The following KCNH1 variants were observed in gnomAD, a reference collection of about 807,000 sequenced individuals.
KCNH1 encodes the protein voltage-gated delayed rectifier potassium channel KCNH1.
In KCNH1, 27 loss-of-function variants were observed where a neutral mutation model predicts 69.2. The observed-to-expected ratio is 0.39, with a 90% confidence interval of 0.29 to 0.54. The LOEUF (loss-of-function observed/expected upper bound fraction) is 0.54. KCNH1 is among the 20% of genes least tolerant of loss of function. The pLI, the probability that KCNH1 is intolerant of heterozygous loss-of-function variation, is 0.68. For synonymous variants in KCNH1, 456 were observed against 487.7 expected (o/e 0.93, Z 0.86); for missense variants, 798 against 1,261.6 (o/e 0.63, Z 5.57).
intron 6 of KCNH1, among the ~76,000 whole-genome samples, chr1:210,976,328 T>G (rs1384627115): frequency 1.4e-5 from 2 of 147,800 alleles, no homozygotes; most frequent in African/African-American, 2.5e-5. Flanking sequence ...CTATTCACAA[T>G]AGCAAAGACT....
chr1:210,764,967 CA>C (rs1478312942), intron 10 of KCNH1, among the ~76,000 whole-genome samples: 1 of 152,176 alleles, frequency 6.6e-6, no homozygotes, highest in African/African-American at 2.4e-5. Flanking sequence ...CCCAGGTGCC[CA>C]TCAACAGTAG....
chr1:211,060,622 A>C (rs1301560686), intron 5 of KCNH1, among the ~76,000 whole-genome samples: 1 of 151,960 alleles, frequency 6.6e-6, no homozygotes, highest in African/African-American at 2.4e-5. Flanking sequence ...CAGATGTAAA[A>C]GGAGACATTA....
intron 5 of KCNH1, among the ~76,000 whole-genome samples, chr1:211,039,019 C>A (rs1571599177): frequency 6.6e-6 from 1 of 152,238 alleles, no homozygotes; most frequent in East Asian, 1.9e-4. Context: ...GTCTTCATGG[C>A]AGCCCCTCCC....
intron 6 of KCNH1, among the ~76,000 whole-genome samples, chr1:210,999,655 C>T (rs867801367): frequency 6.6e-6 from 1 of 152,216 alleles, no homozygotes; most frequent in Non-Finnish European, 1.5e-5. Context: ...TCCTCCCTAA[C>T]TCATTTTATG....
At chr1:210,694,094 GGC>G (rs1452679083) in intron 10 of KCNH1, among the ~76,000 whole-genome samples, 3 of 152,138 alleles carry the variant, frequency 2.0e-5, no homozygotes, top group Non-Finnish European at 2.9e-5. Context: ...TGAAGCATGT[GGC>G]CTCACTGGGC....
chr1:210,748,458 G>A (rs1683212003), intron 10 of KCNH1, among the ~76,000 whole-genome samples: 3 of 152,170 alleles, frequency 2.0e-5, no homozygotes, highest in African/African-American at 7.2e-5. Flanking sequence ...ATTTATTTTA[G>A]AGATAATACA....
Position 210,679,166 on chromosome 1 carries a change from G to C in KCNH1, c.*4115C>G, listed in dbSNP as rs11119568. ...AGTCTCCCCCAGGTGGAGGGCACAG[G>C]AGCTGGTGAAGGTAATTTTTAATTG... On this transcript the variant is annotated 3_prime_UTR_variant, in exon 11 of 11. Transcript: ENST00000271751. The C allele has an allele frequency of 0.091, 13,804 of 152,300 alleles. 702 individuals are homozygous for C. The highest frequency in any genetic ancestry group is 0.19 in the East Asian group (983 of 5,178). 9.4% of individuals were successfully genotyped at this position (152,300 alleles called of 1,614,324 possible).
At chr1:211,114,488 T>C (rs1691532235) in intron 1 of KCNH1, among the ~76,000 whole-genome samples, 1 of 152,196 alleles carries the variant, frequency 6.6e-6, no homozygotes, top group Non-Finnish European at 1.5e-5. Flanking sequence ...CTGAGTAAAT[T>C]TGCCAGCGTG....
chr1:210,917,229 G>GAAAGAAAGAAAGAAAGAAAGAA (rs1553359735), intron 7 of KCNH1, among the ~76,000 whole-genome samples: 5 of 78,866 alleles, frequency 6.3e-5, no homozygotes, highest in African/African-American at 1.6e-4. Flanking sequence ...GAGAGAGAGA[G>GAAAGAAAGAAAGAAAGAAAGAA]AGAAAGAAAG....
At chr1:211,126,200 A>G (rs1178028997) in intron 1 of KCNH1, among the ~76,000 whole-genome samples, 1 of 64,566 alleles carries the variant, frequency 1.5e-5, no homozygotes, top group Non-Finnish European at 3.1e-5. Flanking sequence ...CCCCATCACT[A>G]CAAAAAAATA....
rs1407964818 is a variant in KCNH1, at chr1:210,991,124, T to G, written c.1032+27659A>C. On this transcript the variant is annotated intron_variant, in intron 6 of 10. Transcript: ENST00000271751. ...GGGTATATATCTAAAGGAAATGAAA[T>G]CAGTATGTCAAAAAGATATCTGCAT... Among the ~76,000 whole-genome samples the G allele has an allele frequency of 5.3e-5, 8 of 152,086 alleles. 2 individuals carry two copies. The highest frequency in any genetic ancestry group is 1.5e-5 in the Non-Finnish European group (1 of 68,016).
intron 4 of KCNH1, among the ~76,000 whole-genome samples, chr1:211,089,758 T>A (rs1691020122): frequency 6.6e-6 from 1 of 152,170 alleles, no homozygotes; most frequent in African/African-American, 2.4e-5. Context: ...TAGCACTGCA[T>A]CATGAAAAAG....
At chr1:210,850,497 T>C (rs758294507) in intron 7 of KCNH1, among the ~76,000 whole-genome samples, 1 of 150,148 alleles carries the variant, frequency 6.7e-6, no homozygotes, top group Non-Finnish European at 1.5e-5. Flanking sequence ...GATGACAGAG[T>C]GAGACTCTGT....
intron 10 of KCNH1, among the ~76,000 whole-genome samples, chr1:210,717,952 T>A (rs1574205611): frequency 6.6e-6 from 1 of 151,566 alleles, no homozygotes; most frequent in Non-Finnish European, 1.5e-5. Flanking sequence ...ACTAAAAATA[T>A]AAAAGTTAGC....
chr1:211,054,491 C>T (rs913344167), intron 5 of KCNH1, among the ~76,000 whole-genome samples: 1 of 151,672 alleles, frequency 6.6e-6, no homozygotes. Context: ...TTGTGAAATA[C>T]AAAATCTATG....
chr1:210,759,884 G>A (rs75715077), intron 10 of KCNH1, among the ~76,000 whole-genome samples: 4,119 of 152,236 alleles, frequency 0.027, 114 homozygotes, highest in East Asian at 0.14. Context: ...GCCATGACTG[G>A]TACCAGTCCA....
chr1:210,967,976 C>A (rs1418097532), intron 6 of KCNH1, among the ~76,000 whole-genome samples: 1 of 152,014 alleles, frequency 6.6e-6, no homozygotes, highest in Non-Finnish European at 1.5e-5. Context: ...ACTAACTCGT[C>A]ATCTAGCATT....
At chr1:210,706,359 TAA>T (rs1681914076) in intron 10 of KCNH1, among the ~76,000 whole-genome samples, 1 of 152,224 alleles carries the variant, frequency 6.6e-6, no homozygotes, top group South Asian at 2.1e-4. Context: ...GGGATGCAAA[TAA>T]CCTTTAATAT....
At chr1:211,072,347 G>A (rs1315562229) in intron 5 of KCNH1, among the ~76,000 whole-genome samples, 1 of 152,148 alleles carries the variant, frequency 6.6e-6, no homozygotes, top group Non-Finnish European at 1.5e-5. Flanking sequence ...GACCTGCCTT[G>A]CAAGAAATGT....
Sources: allele counts gnomAD v4.1 joint callset (sites outside exome capture counted in the v4.1 genomes callset), GRCh38; gene constraint gnomAD v4.1.1; transcripts MANE v1.5; gene names NCBI Gene and HGNC (gene_info 2026-07-23, HGNC 2026-07-21).